Variants in SELENOF observed in about 807,000 individuals in gnomAD.
SELENOF encodes the protein selenoprotein F.
A neutral mutation model predicts 20.5 loss-of-function variants in SELENOF; 16 were observed. The ratio of observed to expected loss-of-function variants is 0.78; its 90% CI spans 0.53 to 1.19. SELENOF has a LOEUF of 1.19. Among genes scored for constraint, SELENOF ranks in the 50% most tolerant of loss-of-function variants. The pLI is 0.00. For missense variants in SELENOF, 215 were observed against 194.2 expected (o/e 1.11, Z -0.64); for synonymous variants, 78 against 74.5 (o/e 1.05, Z -0.24).
intron 3 of SELENOF, among the ~76,000 whole-genome samples, chr1:86,872,893 T>A (rs1184922308): frequency 6.6e-6 from 1 of 151,872 alleles, no homozygotes; most frequent in African/African-American, 2.4e-5. Context: ...ATACAAAAAA[T>A]TAGCTGGCGT....
chr1:86,873,675 AC>A (rs1244635400), intron 3 of SELENOF, among the ~76,000 whole-genome samples: 1 of 151,664 alleles, frequency 6.6e-6, no homozygotes, highest in Non-Finnish European at 1.5e-5. Flanking sequence ...CCATGGAGAA[AC>A]CCCATCTCTA....
At chr1:86,912,888 T>C (rs552804963) in intron 1 of SELENOF, among the ~76,000 whole-genome samples, 1 of 151,846 alleles carries the variant, frequency 6.6e-6, no homozygotes, top group Middle Eastern at 3.2e-3. Flanking sequence ...TATAGACAAC[T>C]GACAGTCAAA....
intron 2 of SELENOF, among the ~76,000 whole-genome samples, chr1:86,902,741 A>G (rs972914651): frequency 6.6e-6 from 1 of 152,240 alleles, no homozygotes; most frequent in Non-Finnish European, 1.5e-5. Flanking sequence ...TAGTAGGTTT[A>G]CCTGGAGAGA....
At chr1:86,893,234 T>C (rs139383374) in intron 2 of SELENOF, among the ~76,000 whole-genome samples, 1 of 152,238 alleles carries the variant, frequency 6.6e-6, no homozygotes, top group East Asian at 1.9e-4. Context: ...TGTAAGGTAA[T>C]GTAATTATGA....
chr1:86,903,479 A>T (rs1222037921), intron 1 of SELENOF, 31 bp from the exon 2 acceptor site: 1 of 1,545,796 alleles, frequency 6.5e-7, no homozygotes, highest in East Asian at 2.4e-5. Context: ...ATAAAACACA[A>T]TTCCATATTT....
At chr1:86,908,738 T>C (rs1432156694) in intron 1 of SELENOF, among the ~76,000 whole-genome samples, 1 of 152,238 alleles carries the variant, frequency 6.6e-6, no homozygotes, top group Non-Finnish European at 1.5e-5. Context: ...TACTGCTTTT[T>C]AGTGTAGTGC....
intron 2 of SELENOF, among the ~76,000 whole-genome samples, chr1:86,896,057 A>G (rs545163812): frequency 1.3e-5 from 2 of 152,202 alleles, no homozygotes; most frequent in East Asian, 3.9e-4. Context: ...GTGAAACCCC[A>G]TCTCTACTAA....
chr1:86,887,398 T>A (rs1037461590), intron 2 of SELENOF, among the ~76,000 whole-genome samples: 1 of 152,170 alleles, frequency 6.6e-6, no homozygotes, highest in African/African-American at 2.4e-5. Flanking sequence ...ACCATTAAAG[T>A]GTTATTCCTT....
rs1286408967 is a variant in SELENOF, at chr1:86,914,016, A to T, written c.84+12T>A. Reference sequence around the variant, plus strand: ...TCTCCCTGTGGCAGCTGCGAAGGTGATCTACACTCACCGCTTGAAGCACAG... The same window carrying T: ...TCTCCCTGTGGCAGCTGCGAAGGTGTTCTACACTCACCGCTTGAAGCACAG... On this transcript the variant is annotated intron_variant, in intron 1 of 4. Transcript: ENST00000331835. 5.0e-6 allele frequency: 8 copies of T among 1,612,810 alleles called. No homozygotes were observed. The highest frequency in any genetic ancestry group is 1.3e-5 in the African/African-American group (1 of 74,968).
chr1:86,871,111 T>C (rs1432365658), intron 3 of SELENOF, among the ~76,000 whole-genome samples: 1 of 152,162 alleles, frequency 6.6e-6, no homozygotes, highest in Non-Finnish European at 1.5e-5. Flanking sequence ...TTACAGGCAG[T>C]AAATAAATCT....
In SELENOF at chr1:86,862,823, A is replaced by G. The variant is rs1219596737; in HGVS notation, c.*651T>C. 6.6e-6 allele frequency: 1 copy of G among 152,494 alleles called. No individual in the cohort carries two copies. Among genetic ancestry groups the G allele is most frequent in the Non-Finnish European group, 1.5e-5 (1 of 68,034 alleles). 9.4% of individuals were successfully genotyped at this position (152,494 alleles called of 1,614,324 possible). ...AAACTCAAAAATTTGCCAAGTATGT[A>G]TCTGATCCACACAAATCCCTAGAAA... On this transcript the variant is annotated 3_prime_UTR_variant, in exon 5 of 5. Coordinates refer to ENST00000331835, the MANE Select transcript of SELENOF (RefSeq NM_004261.5).
At chr1:86,875,183 G>A (rs1427575425) in intron 3 of SELENOF, among the ~76,000 whole-genome samples, 10 of 151,904 alleles carry the variant, frequency 6.6e-5, no homozygotes, top group Non-Finnish European at 1.5e-4. Context: ...GGAGGTTGCA[G>A]TGAGCCGAGA....
chr1:86,910,464 G>A (rs1210037359), intron 1 of SELENOF, among the ~76,000 whole-genome samples: 2 of 152,188 alleles, frequency 1.3e-5, no homozygotes, highest in African/African-American at 4.8e-5. Flanking sequence ...CCAGCACTTT[G>A]GGAGGCTGAG....
intron 3 of SELENOF, among the ~76,000 whole-genome samples, chr1:86,869,153 G>A (rs970961142): frequency 2.0e-5 from 3 of 152,082 alleles, no homozygotes; most frequent in African/African-American, 7.2e-5. Context: ...AATATAAATA[G>A]GCACATCCTT....
intron 2 of SELENOF, among the ~76,000 whole-genome samples, chr1:86,897,569 T>C (rs1659558079): frequency 6.6e-6 from 1 of 152,176 alleles, no homozygotes; most frequent in Non-Finnish European, 1.5e-5. Flanking sequence ...GGGGACTGCT[T>C]ACCTAGTACC....
intron 2 of SELENOF, among the ~76,000 whole-genome samples, chr1:86,900,679 C>T (rs775304698): frequency 1.4e-4 from 21 of 150,922 alleles, no homozygotes; most frequent in South Asian, 2.1e-4. Flanking sequence ...GAGACAGAGA[C>T]GGAGACGGAG....
At chr1:86,877,269 T>TTA (rs1197936949) in intron 3 of SELENOF, among the ~76,000 whole-genome samples, 1 of 152,172 alleles carries the variant, frequency 6.6e-6, no homozygotes, top group Non-Finnish European at 1.5e-5. Flanking sequence ...ATTTAACCTA[T>TTA]TATACCTCAT....
At position 86,872,994 on chromosome 1, in the gene SELENOF, C is replaced by A. The variant is rs79811085; in HGVS notation, c.317-4892G>T. 3.0e-3 allele frequency among the ~76,000 whole-genome samples: 456 copies of A among 151,904 alleles called. 19 individuals carry two copies. The East Asian group carries it at 0.064, about 21-fold the overall frequency. On this transcript the variant is annotated intron_variant, in intron 3 of 4. Transcript: ENST00000331835. Reference sequence around the variant, plus strand: ...GGCGGAGCTTGCAGTGAGCCAAAATCACTGCAAGCGCCACTGCACTCCAGC... The same window carrying A: ...GGCGGAGCTTGCAGTGAGCCAAAATAACTGCAAGCGCCACTGCACTCCAGC...
chr1:86,892,538 C>T (rs1455651890), intron 2 of SELENOF, among the ~76,000 whole-genome samples: 1 of 152,184 alleles, frequency 6.6e-6, no homozygotes, highest in East Asian at 1.9e-4. Context: ...ATGTTTTACA[C>T]ATCAGTAGCA....
Sources: allele counts gnomAD v4.1 joint callset (sites outside exome capture counted in the v4.1 genomes callset), GRCh38; gene constraint gnomAD v4.1.1; transcripts MANE v1.5; gene names NCBI Gene and HGNC (gene_info 2026-07-23, HGNC 2026-07-21).